The following SLCO1B3 variants were observed in gnomAD, a reference collection of about 807,000 sequenced individuals.
SLCO1B3 encodes the protein solute carrier organic anion transporter family member 1B3.
SLCO1B3 carries 72 observed loss-of-function variants against 71.8 expected under a neutral mutation model. The observed-to-expected ratio is 1.00, with a 90% CI of 0.83 to 1.22. The LOEUF (loss-of-function observed/expected upper bound fraction) is 1.22. Ranked by LOEUF, SLCO1B3 falls within the 50% of genes most tolerant of loss-of-function variation. The pLI is 0.00. For missense variants in SLCO1B3, 911 were observed against 819.7 expected (o/e 1.11, Z -1.36); for synonymous variants, 298 against 278.4 (o/e 1.07, Z -0.70).
At chr12:20,863,503 A>G (rs982272129) in intron 8 of SLCO1B3, among the ~76,000 whole-genome samples, 10 of 152,124 alleles carry the variant, frequency 6.6e-5, no homozygotes, top group Non-Finnish European at 8.8e-5. Flanking sequence ...CTTCCTACAG[A>G]TATACCTTCA....
rs57925057 is a variant in SLCO1B3 at position 20,841,884 on chromosome 12, G to GT, written c.85-13126dup. Among the ~76,000 whole-genome samples the GT allele has an allele frequency of 3.5e-3, 466 of 132,264 alleles. 1 individual carries two copies. The highest frequency in any genetic ancestry group is 0.01 in the African/African-American group (375 of 36,116). The allele number at this position is 132,264 out of a possible 152,430, so 86.8% of individuals were successfully genotyped here. Reference sequence around the variant, plus strand: ...CATATTCTTTGAATTGTTGGATGTAGTTTTTTTTTTTTTTTTTTGAGACAG... The same window carrying GT: ...CATATTCTTTGAATTGTTGGATGTAGTTTTTTTTTTTTTTTTTTTGAGACAG... On this transcript the variant is annotated intron_variant, in intron 3 of 15. Coordinates refer to ENST00000381545, the MANE Select transcript of SLCO1B3 (RefSeq NM_019844.4).
At position 20,916,413 on chromosome 12, in the gene SLCO1B3, T is replaced by C. The variant is rs1866501097; in HGVS notation, c.*166T>C. On this transcript the variant is annotated 3_prime_UTR_variant, in exon 16 of 16. Transcript: ENST00000381545. ...TTAGGATATAGCTATGCCTTTATGG[T>C]TAAGATTAGAATATATGATCCATAA... is the stretch of plus-strand genomic sequence containing the variant. 1 of 574,870 alleles carries C rather than the reference T, an allele frequency of 1.7e-6. No homozygotes were observed. Among genetic ancestry groups the C allele is most frequent in the South Asian group, 2.6e-5 (1 of 38,420 alleles). The allele number at this position is 574,870 out of a possible 1,614,324, so 35.6% of individuals were successfully genotyped here.
At chr12:20,842,448 A>G (rs900924777) in intron 3 of SLCO1B3, among the ~76,000 whole-genome samples, 2 of 152,186 alleles carry the variant, frequency 1.3e-5, no homozygotes, top group Non-Finnish European at 2.9e-5. Flanking sequence ...AGAAACCTCT[A>G]TCCATAATGA....
intron 6 of SLCO1B3, 60 bp from the exon 7 acceptor site, chr12:20,862,352 A>T: frequency 6.6e-7 from 1 of 1,508,562 alleles, no homozygotes; most frequent in South Asian, 1.3e-5. Context: ...AAAGTAGTTA[A>T]ATTTCTAATA....
intron 15 of SLCO1B3, among the ~76,000 whole-genome samples, chr12:20,906,963 A>G (rs1866258337): frequency 6.6e-6 from 1 of 151,990 alleles, no homozygotes; most frequent in Admixed American, 6.6e-5. Context: ...ACCAATCAAG[A>G]AGATATCAAT....
intron 3 of SLCO1B3, among the ~76,000 whole-genome samples, chr12:20,851,383 A>G (rs1303180477): frequency 1.3e-5 from 2 of 152,170 alleles, no homozygotes; most frequent in Non-Finnish European, 2.9e-5. Flanking sequence ...GTGATAGCTC[A>G]TGGTAGTTTT....
At chr12:20,892,054 A>C (rs1293757103) in intron 13 of SLCO1B3, among the ~76,000 whole-genome samples, 3 of 152,022 alleles carry the variant, frequency 2.0e-5, no homozygotes, top group Non-Finnish European at 4.4e-5. Context: ...CTTTATCAGC[A>C]TATCAAAGAT....
At chr12:20,848,800 A>G (rs1341184705) in intron 3 of SLCO1B3, among the ~76,000 whole-genome samples, 2 of 152,152 alleles carry the variant, frequency 1.3e-5, no homozygotes, top group Non-Finnish European at 2.9e-5. Flanking sequence ...AAAGAAAGGA[A>G]TGTGTTCAGT....
chr12:20,862,617 A>C, intron 7 of SLCO1B3, 59 bp downstream of exon 7: 2 of 1,505,148 alleles, frequency 1.3e-6, no homozygotes, highest in Admixed American at 2.0e-5. Flanking sequence ...CCCTTGAAAT[A>C]ATAATGTCAT....
At chr12:20,810,869 T>G (rs1864098948) in intron 1 of SLCO1B3, 105 bp downstream of exon 1, 1 of 152,148 alleles carries the variant, frequency 6.6e-6, no homozygotes, top group Non-Finnish European at 1.5e-5. Flanking sequence ...TATTACAGAT[T>G]TTATGCTCTG....
At chr12:20,912,163 T>C (rs1026704286) in intron 15 of SLCO1B3, among the ~76,000 whole-genome samples, 2 of 152,018 alleles carry the variant, frequency 1.3e-5, no homozygotes, top group African/African-American at 4.8e-5. Flanking sequence ...TTCTTAGAAG[T>C]GTATTGCTTA....
intron 8 of SLCO1B3, among the ~76,000 whole-genome samples, chr12:20,866,129 A>G (rs1214573093): frequency 6.6e-6 from 1 of 152,120 alleles, no homozygotes; most frequent in African/African-American, 2.4e-5. Context: ...TGTGAGCCGT[A>G]TGAAGTACCA....
intron 3 of SLCO1B3, among the ~76,000 whole-genome samples, chr12:20,846,084 CAT>C (rs1864914155): frequency 6.6e-6 from 1 of 151,890 alleles, no homozygotes; most frequent in Non-Finnish European, 1.5e-5. Flanking sequence ...AACAGTTACA[CAT>C]ATTTATTTCA....
chr12:20,831,806 A>G (rs1375194567), intron 3 of SLCO1B3, among the ~76,000 whole-genome samples: 1 of 152,220 alleles, frequency 6.6e-6, no homozygotes, highest in East Asian at 1.9e-4. Context: ...TAATTCAGCA[A>G]CATAAAAAGA....
At chr12:20,871,783 G>A (rs1865479218) in intron 8 of SLCO1B3, among the ~76,000 whole-genome samples, 1 of 152,108 alleles carries the variant, frequency 6.6e-6, no homozygotes, top group East Asian at 1.9e-4. Flanking sequence ...ATGCAAGCAA[G>A]CATCCTTGTG....
chr12:20,834,794 C>T (rs1166078031), intron 3 of SLCO1B3, among the ~76,000 whole-genome samples: 1 of 152,086 alleles, frequency 6.6e-6, no homozygotes, highest in Non-Finnish European at 1.5e-5. Context: ...GTGCAATCCA[C>T]AGTGTCAGTG....
At chr12:20,905,511 G>A (rs1175237143) in intron 15 of SLCO1B3, among the ~76,000 whole-genome samples, 1 of 152,158 alleles carries the variant, frequency 6.6e-6, no homozygotes, top group East Asian at 1.9e-4. Flanking sequence ...TTTAGAAACA[G>A]CCAGGTCACA....
At chr12:20,846,027 T>G (rs1435375157) in intron 3 of SLCO1B3, among the ~76,000 whole-genome samples, 1 of 152,002 alleles carries the variant, frequency 6.6e-6, no homozygotes, top group Non-Finnish European at 1.5e-5. Flanking sequence ...AATCAAAAAG[T>G]GAGCAGGAGC....
intron 15 of SLCO1B3, among the ~76,000 whole-genome samples, chr12:20,910,630 T>A (rs1481714244): frequency 6.6e-6 from 1 of 152,210 alleles, no homozygotes; most frequent in Non-Finnish European, 1.5e-5. Context: ...CTTTGATTTC[T>A]TTCATCAGAG....
Sources: allele counts gnomAD v4.1 joint callset (sites outside exome capture counted in the v4.1 genomes callset), GRCh38; gene constraint gnomAD v4.1.1; transcripts MANE v1.5; gene names NCBI Gene and HGNC (gene_info 2026-07-23, HGNC 2026-07-21).